Variants in RPS26 observed in about 807,000 individuals in gnomAD.
RPS26 encodes the protein small ribosomal subunit protein eS26.
Under a neutral mutation model 14.7 loss-of-function variants are expected in RPS26, and 1 was observed. The ratio of observed to expected loss-of-function variants is 0.07; its 90% confidence interval spans 0.02 to 0.32. RPS26 has a LOEUF of 0.32. Ranked by LOEUF, RPS26 falls within the 10% of genes least tolerant of loss-of-function variation. RPS26 has a pLI of 1.00. For missense variants in RPS26, 63 were observed against 157.7 expected (o/e 0.40, Z 3.22); for synonymous variants, 59 against 53.1 (o/e 1.11, Z -0.48).
chr12:56,042,469 C>T lies in RPS26; in HGVS notation c.48C>T (p.Gly16=). 1 of 1,611,846 alleles carries T rather than the reference C, an allele frequency of 6.2e-7. No individual in the cohort carries two copies. The highest frequency in any genetic ancestry group is 2.2e-5 in the East Asian group (1 of 44,886). ...ATGGTCGTGCCAAAAAGGGCCGCGG[C>T]CACGTGCAGCCTATTCGCTGCACTA... is the stretch of plus-strand genomic sequence containing the variant. ...RNNGRAKKGR[G]HVQPIRCTNC... Residue 16 remains glycine (G), a synonymous_variant, in exon 2 of 4, where the codon GGC becomes GGT. Transcript: ENST00000646449.
rs1895893348 is a variant in RPS26, at chr12:56,042,153, T to G, written c.-14T>G. On this transcript the variant is annotated 5_prime_UTR_variant, in exon 1 of 4. Transcript: ENST00000646449. The stretch of plus-strand genomic sequence containing the variant: ...GCCAGGCACCGTCTCCTCTCTCCGG[T>G]CCGTGCCTCCAAGATGGTGAGTCTT... The G allele has an allele frequency of 5.0e-6, 8 of 1,614,050 alleles. No homozygotes were observed. The highest frequency in any genetic ancestry group is 6.8e-6 in the Non-Finnish European group (8 of 1,179,938).
In RPS26 at chr12:56,042,323, G is replaced by A. The variant is rs1317197154; in HGVS notation, c.4-102G>A. The A allele has an allele frequency of 5.3e-6, 8 of 1,516,864 alleles. No individual in the cohort carries two copies. In the Admixed American group the frequency reaches 1.4e-4, roughly 26 times the overall value. The allele number at this position is 1,516,864 out of a possible 1,614,324, so 94.0% of individuals were successfully genotyped here. A position where few individuals can be genotyped will look rare whatever the true frequency, so the allele number is the denominator to read the frequency against. ...ATTTGCGGAGAAACAGGAGATCCGAGCGGCGCCTTCCTGGAGGCTGCCGGT... is the reference window on the plus strand; with the variant it reads ...ATTTGCGGAGAAACAGGAGATCCGAACGGCGCCTTCCTGGAGGCTGCCGGT... On this transcript the variant is annotated intron_variant, in intron 1 of 3. Coordinates refer to ENST00000646449, the MANE Select transcript of RPS26 (RefSeq NM_001029.5).
chr12:56,042,130 C>T lies in RPS26; in HGVS notation c.-37C>T, dbSNP rs573962436. 5.8e-5 allele frequency: 94 copies of T among 1,612,896 alleles called. 1 individual carries two copies. In the South Asian group the frequency reaches 9.7e-4, roughly 17 times the overall value. On this transcript the variant is annotated 5_prime_UTR_variant, in exon 1 of 4. Transcript: ENST00000646449. ...CTCATGCTATATAGGAGGGCCCTGC[C>T]AGGCACCGTCTCCTCTCTCCGGTCC...
rs866743203 is a variant in RPS26 at position 56,042,401 on chromosome 12, A to G, written c.4-24A>G. ...GCTGGGTGAGTTGCGCCGTTTTCCTAACAGTTTTCCCATCCTGTCGCAGAC... is the reference window on the plus strand; with the variant it reads ...GCTGGGTGAGTTGCGCCGTTTTCCTGACAGTTTTCCCATCCTGTCGCAGAC... On this transcript the variant is annotated intron_variant, in intron 1 of 3. Coordinates refer to ENST00000646449, the MANE Select transcript of RPS26 (RefSeq NM_001029.5). The G allele has an allele frequency of 2.5e-6, 4 of 1,613,158 alleles. No individual in the cohort carries two copies. The African/African-American group carries it at 4.0e-5, about 16-fold the overall frequency.
rs1895937620 is a variant in RPS26, at chr12:56,044,446, T to G, written c.*292T>G. The stretch of plus-strand genomic sequence containing the variant: ...GCAACCTCCGTCTCCCGGGTTCAAG[T>G]GATTCTCCTGCCTCAGCTTCTTGAG... On this transcript the variant is annotated 3_prime_UTR_variant, in exon 4 of 4. Transcript: ENST00000646449. 5.8e-6 allele frequency: 2 copies of G among 347,200 alleles called. No homozygotes were observed. The highest frequency in any genetic ancestry group is 4.7e-5 in the African/African-American group (2 of 42,490). The allele number at this position is 347,200 out of a possible 1,614,324, so 21.5% of individuals were successfully genotyped here. A position where few individuals can be genotyped will look rare whatever the true frequency, so the allele number is the denominator to read the frequency against.
intron 2 of RPS26, 28 bp from the exon 3 acceptor site, chr12:56,043,335 C>T (rs1895917010): frequency 6.2e-7 from 1 of 1,604,950 alleles, no homozygotes; most frequent in Non-Finnish European, 8.5e-7. Context: ...TATATAATAC[C>T]AGTATAACTC....
rs1895904985 is a variant in RPS26 at position 56,042,671 on chromosome 12, T to A, written c.181+69T>A. ...TTAAAGCCTTCGCCCAACTTCGCCC[T>A]TTTGGAGGCTCTGTTCTTTGGAGCC... On this transcript the variant is annotated intron_variant, in intron 2 of 3. Transcript: ENST00000646449. 3.0e-6 allele frequency: 4 copies of A among 1,342,336 alleles called. No individual in the cohort carries two copies. The South Asian group carries it at 4.7e-5, about 16-fold the overall frequency. The allele number at this position is 1,342,336 out of a possible 1,614,324, so 83.2% of individuals were successfully genotyped here.
intron 1 of RPS26, 68 bp downstream of exon 1, chr12:56,042,237 C>T (rs1335741417): frequency 6.3e-7 from 1 of 1,593,930 alleles, no homozygotes. Context: ...GAAGTGAGAG[C>T]CTGGAGCACG....
At position 56,042,089 on chromosome 12, in the gene RPS26, G is replaced by T. The variant is rs1460893546; in HGVS notation, c.-78G>T. The stretch of plus-strand genomic sequence containing the variant: ...AGCCCGTCTCCTAAGGATTCTCCCG[G>T]TGTCCGCGTAGGGATCTCATGCTAT... On this transcript the variant is annotated 5_prime_UTR_variant, in exon 1 of 4. Transcript: ENST00000646449. The T allele has an allele frequency of 4.8e-6, 7 of 1,458,028 alleles. No homozygotes were observed. Among genetic ancestry groups the T allele is most frequent in the Non-Finnish European group, 6.7e-6 (7 of 1,037,530 alleles). The allele number at this position is 1,458,028 out of a possible 1,614,324, so 90.3% of individuals were successfully genotyped here. A position where few individuals can be genotyped will look rare whatever the true frequency, so the allele number is the denominator to read the frequency against.
At chr12:56,042,207 G>A (rs200101448) in intron 1 of RPS26, 38 bp downstream of exon 1, 22 of 1,613,284 alleles carry the variant, frequency 1.4e-5, no homozygotes, top group Non-Finnish European at 1.8e-5. Flanking sequence ...GGGTTCGGGT[G>A]CAGACTCTGG....
chr12:56,043,626 A>G, intron 3 of RPS26, 133 bp downstream of exon 3: 1 of 862,852 alleles, frequency 1.2e-6, no homozygotes, highest in South Asian at 1.4e-5. Flanking sequence ...AGAAACCAGC[A>G]GTTCAAGACC....
At chr12:56,042,850 T>G (rs2136754103) in intron 2 of RPS26, 3 of 573,694 alleles carry the variant, frequency 5.2e-6, no homozygotes, top group East Asian at 6.0e-5. Flanking sequence ...GTTATGAGAT[T>G]GCAAAAACTA....
chr12:56,043,283 T>G (rs1378832613), intron 2 of RPS26, 80 bp from the exon 3 acceptor site: 3 of 1,335,392 alleles, frequency 2.2e-6, no homozygotes, highest in Non-Finnish European at 3.2e-6. Context: ...GACGTAAACA[T>G]GTAAGGTGCT....
At position 56,042,008 on chromosome 12, in the gene RPS26, C is replaced by T; in HGVS notation, c.-159C>T. On this transcript the variant is annotated 5_prime_UTR_variant, in exon 1 of 4. Coordinates refer to ENST00000646449, the MANE Select transcript of RPS26 (RefSeq NM_001029.5). ...AGGAACGCATTTCCACCCTAGATTT[C>T]AGCAGAAATGCTGAATGTAAAGGAA... The T allele has an allele frequency of 1.3e-6, 1 of 777,286 alleles. No homozygotes were observed. Among genetic ancestry groups the T allele is most frequent in the Non-Finnish European group, 2.3e-6 (1 of 443,482 alleles). The allele number at this position is 777,286 out of a possible 1,614,324, so 48.1% of individuals were successfully genotyped here.
At chr12:56,042,327 C>T (rs7957187) in intron 1 of RPS26, 98 bp from the exon 2 acceptor site, 11 of 1,522,650 alleles carry the variant, frequency 7.2e-6, no homozygotes, top group Non-Finnish European at 1.0e-5. Context: ...ATCCGAGCGG[C>T]GCCTTCCTGG....
At chr12:56,042,275 C>T (rs1895897346) in intron 1 of RPS26, 106 bp downstream of exon 1, 2 of 1,540,034 alleles carry the variant, frequency 1.3e-6, no homozygotes, top group Middle Eastern at 3.4e-4. Context: ...GTGTACATTT[C>T]ATTTGCTCTG....
Position 56,042,574 on chromosome 12 carries a change from G to A in RPS26, c.153G>A (p.Arg51=). 1 of 1,599,022 alleles carries A rather than the reference G, an allele frequency of 6.3e-7. No homozygotes were observed. The highest frequency in any genetic ancestry group is 8.5e-7 in the Non-Finnish European group (1 of 1,179,794). ...IRNIVEAAAV[R]DISEASVFDA... ...ACATAGTGGAGGCCGCAGCAGTCAG[G>A]GACATTTCTGAAGCGAGCGTCTTCG... The change falls in exon 2 of 4, where the codon AGG becomes AGA. Residue 51 remains arginine, a synonymous_variant. Coordinates refer to ENST00000646449, the MANE Select transcript of RPS26 (RefSeq NM_001029.5).
chr12:56,044,062 G>T, intron 3 of RPS26, 57 bp from the exon 4 acceptor site: 2 of 1,456,684 alleles, frequency 1.4e-6, no homozygotes, highest in Non-Finnish European at 1.9e-6. Flanking sequence ...TTCTTTGGGG[G>T]AAGGGAGTCT....
Position 56,043,440 on chromosome 12 carries a change from C to A in RPS26, c.259C>A (p.Arg87=), listed in dbSNP as rs148942765. 6.2e-7 allele frequency: 1 copy of A among 1,612,956 alleles called. No individual in the cohort carries two copies. ...AATTCACAGCAAAGTAGTCAGGAAT[C>A]GATCTCGTGAAGCCCGCAAGGACCG... is the stretch of plus-strand genomic sequence containing the variant. ...CAIHSKVVRN[R]SREARKDRTP... Residue 87 remains arginine (R), a synonymous_variant, in exon 3 of 4, where the codon CGA becomes AGA. Transcript: ENST00000646449.
Sources: gnomAD v4.1 joint callset for allele counts on GRCh38, gnomAD v4.1.1 for gene constraint, MANE v1.5 for transcripts, NCBI Gene and HGNC (gene_info 2026-07-23, HGNC 2026-07-21) for gene names.